The following RPH3AL variants were observed in gnomAD, a reference collection of about 807,000 sequenced individuals.
The protein encoded by RPH3AL is rabphilin 3A like (without C2 domains).
Under a neutral mutation model 43.1 loss-of-function variants are expected in RPH3AL, and 38 were observed. The ratio of observed to expected loss-of-function variants is 0.88; its 90% confidence interval spans 0.68 to 1.15. RPH3AL has a LOEUF of 1.15. RPH3AL is among the 50% of genes most tolerant of loss of function. The pLI, the probability that RPH3AL is intolerant of heterozygous loss-of-function variation, is 0.00. For missense variants in RPH3AL, 462 were observed against 423.2 expected (o/e 1.09, Z -0.81); for synonymous variants, 189 against 176.3 (o/e 1.07, Z -0.57).
chr17:245,990 C>T lies in RPH3AL; in HGVS notation c.613+1121G>A, dbSNP rs2041755500. On this transcript the variant is annotated intron_variant, in intron 7 of 9. Coordinates refer to ENST00000331302, the MANE Select transcript of RPH3AL (RefSeq NM_006987.4). This position sits in a 1 kb window ranked among gnomAD's most constrained non-coding sequence, Gnocchi z 5.9. ...TATGAGGGAGTCGGGGTGCTGAGGA[C>T]AAAGTGCCTGCAGGCTGCACACCAA... Among the ~76,000 whole-genome samples the T allele has an allele frequency of 6.6e-6, 1 of 152,142 alleles. No individual in the cohort carries two copies. Among genetic ancestry groups the T allele is most frequent in the Non-Finnish European group, 1.5e-5 (1 of 68,016 alleles).
intron 5 of RPH3AL, among the ~76,000 whole-genome samples, chr17:303,370 A>G (rs1420116533): frequency 6.6e-6 from 1 of 152,162 alleles, no homozygotes; most frequent in African/African-American, 2.4e-5. Flanking sequence ...CAGCCGGGGC[A>G]GCACAGCGAG....
rs2043013268 is a variant in RPH3AL, at chr17:290,106, A to G, written c.352-8252T>C. Among the ~76,000 whole-genome samples the G allele has an allele frequency of 6.6e-6, 1 of 152,234 alleles. No homozygotes were observed. The highest frequency in any genetic ancestry group is 2.4e-5 in the African/African-American group (1 of 41,458). On this transcript the variant is annotated intron_variant, in intron 5 of 9. Transcript: ENST00000331302. The surrounding 1 kb of genome is among the most constrained non-coding windows in gnomAD (Gnocchi z 4.2). ...AGCTACTTAAGATATTACAGTTGAA[A>G]AAGCAAGACAGGCTCCCTCCCGGAA...
chr17:240,845 G>A (rs9913601), intron 7 of RPH3AL, among the ~76,000 whole-genome samples: 10,653 of 151,844 alleles, frequency 0.07, 421 homozygotes, highest in African/African-American at 0.091. Flanking sequence ...GGATCACGAG[G>A]TCAGGAGATC....
chr17:285,475 C>T (rs945146373), intron 5 of RPH3AL, among the ~76,000 whole-genome samples: 18 of 152,176 alleles, frequency 1.2e-4, no homozygotes, highest in African/African-American at 2.7e-4. Flanking sequence ...ATGCCAGCTG[C>T]GGTTAGTGCA....
At chr17:316,219 C>G (rs1222451009) in intron 5 of RPH3AL, among the ~76,000 whole-genome samples, 1 of 118,432 alleles carries the variant, frequency 8.4e-6, no homozygotes, top group Non-Finnish European at 1.8e-5. Flanking sequence ...CCTCCATTGA[C>G]CTGTAGTCCC....
At chr17:268,979 C>T (rs566460996) in intron 6 of RPH3AL, among the ~76,000 whole-genome samples, 173 of 152,152 alleles carry the variant, frequency 1.1e-3, no homozygotes, top group African/African-American at 3.9e-3. Context: ...CCCGGGTTCA[C>T]GCCATTCTCC....
At chr17:280,229 G>A (rs1480998105) in intron 6 of RPH3AL, among the ~76,000 whole-genome samples, 1 of 152,124 alleles carries the variant, frequency 6.6e-6, no homozygotes, top group Non-Finnish European at 1.5e-5. Context: ...CAGGGTTCAG[G>A]GACTAAAAGT....
Position 215,648 on chromosome 17 carries a change from ACTCACC to A in RPH3AL, c.876_876+5del. On this transcript the variant is annotated splice_donor_variant and splice_donor_5th_base_variant and coding_sequence_variant and intron_variant, in exon 9 of 10. Transcript: ENST00000331302. LOFTEE classifies it high-confidence loss of function. This position sits in a 1 kb window ranked among gnomAD's most constrained non-coding sequence, Gnocchi z 4.1. ...AGAGGGGAGAAGGCAGCAGTTGGGT[ACTCACC>A]GGGGCCCTTCGGGTCAGCCCGGGGC... The A allele has an allele frequency of 7.9e-7, 1 of 1,273,808 alleles. No homozygotes were observed. Among genetic ancestry groups the A allele is most frequent in the Non-Finnish European group, 1.0e-6 (1 of 1,005,022 alleles). 78.9% of individuals were successfully genotyped at this position (1,273,808 alleles called of 1,614,324 possible). A position where few individuals can be genotyped will look rare whatever the true frequency, so the allele number is the denominator to read the frequency against.
At chr17:347,214 T>C (rs1195487455) in intron 1 of RPH3AL, among the ~76,000 whole-genome samples, 1 of 80,960 alleles carries the variant, frequency 1.2e-5, no homozygotes, top group Non-Finnish European at 3.3e-5. Flanking sequence ...GCCAGGATCA[T>C]GCCACTGTGC....
rs1597937529 is a variant in RPH3AL at position 251,482 on chromosome 17, C to T, written c.439-4197G>A. Among the ~76,000 whole-genome samples the T allele has an allele frequency of 2.6e-5, 4 of 152,342 alleles. 1 individual carries two copies. Among genetic ancestry groups the T allele is most frequent in the Non-Finnish European group, 1.5e-5 (1 of 68,038 alleles). On this transcript the variant is annotated intron_variant, in intron 6 of 9. Transcript: ENST00000331302. Reference sequence around the variant, plus strand: ...CCCCTCTGTTGGCCTCTACTCCACACGGAAGGCCCCAGAGTCTCACCCAAC... The same window carrying T: ...CCCCTCTGTTGGCCTCTACTCCACATGGAAGGCCCCAGAGTCTCACCCAAC...
Position 225,127 on chromosome 17 carries a change from AAAAG to A in RPH3AL, c.614-5395_614-5392del, listed in dbSNP as rs1183484109. 6.6e-6 allele frequency among the ~76,000 whole-genome samples: 1 copy of A among 151,718 alleles called. No homozygotes were observed. Among genetic ancestry groups the A allele is most frequent in the African/African-American group, 2.4e-5 (1 of 41,318 alleles). On this transcript the variant is annotated intron_variant, in intron 7 of 9. Transcript: ENST00000331302. The surrounding 1 kb of genome is among the most constrained non-coding windows in gnomAD (Gnocchi z 4.4). ...TTAAAATATAATGGAAAAAAAAAAAAAAAGAGTGATGAGCATGGGATCAGGCCTG... is the reference window on the plus strand; with the variant it reads ...TTAAAATATAATGGAAAAAAAAAAAAAGTGATGAGCATGGGATCAGGCCTG...
Position 322,651 on chromosome 17 carries a change from A to G in RPH3AL, c.78-1236T>C, listed in dbSNP as rs7218654. Among the ~76,000 whole-genome samples the G allele has an allele frequency of 0.32, 48,874 of 151,904 alleles. 9,207 individuals are homozygous for G. The highest frequency in any genetic ancestry group is 0.44 in the Non-Finnish European group (30,179 of 67,892). On this transcript the variant is annotated intron_variant, in intron 3 of 9. Coordinates refer to ENST00000331302, the MANE Select transcript of RPH3AL (RefSeq NM_006987.4). The surrounding 1 kb of genome is among the most constrained non-coding windows in gnomAD (Gnocchi z 4.0). ...TTCTTTAGGGAAGTGTCAGAAGGCA[A>G]GAGTCCTGGAGGCAGGACCTAGGGC... is the stretch of plus-strand genomic sequence containing the variant.
chr17:305,707 G>A (rs1336147997), intron 5 of RPH3AL, among the ~76,000 whole-genome samples: 6 of 152,136 alleles, frequency 3.9e-5, no homozygotes, highest in Middle Eastern at 3.4e-3. Context: ...CACACCTGGT[G>A]GGCTCCTCTC....
At chr17:217,432 G>A (rs1194934297) in intron 8 of RPH3AL, among the ~76,000 whole-genome samples, 5 of 22,158 alleles carry the variant, frequency 2.3e-4, no homozygotes, top group Admixed American at 1.0e-3. Context: ...CTTCTTCTGT[G>A]CCAAAATTGG....
rs774071658 is a variant in RPH3AL at position 215,270 on chromosome 17, G to A, written c.876+384C>T. Among the ~76,000 whole-genome samples the A allele has an allele frequency of 5.3e-5, 8 of 152,192 alleles. No individual in the cohort carries two copies. The highest frequency in any genetic ancestry group is 1.2e-4 in the Non-Finnish European group (8 of 68,024). On this transcript the variant is annotated intron_variant, in intron 9 of 9. Coordinates refer to ENST00000331302, the MANE Select transcript of RPH3AL (RefSeq NM_006987.4). The surrounding 1 kb of genome is among the most constrained non-coding windows in gnomAD (Gnocchi z 4.1). ...CCAGCAGGTGCAGGGCAGGGTGGGA[G>A]CCCAGGATTCTCCCCTCACTCTCTC...
At chr17:317,187 T>G (rs937087954) in intron 5 of RPH3AL, among the ~76,000 whole-genome samples, 2 of 150,196 alleles carry the variant, frequency 1.3e-5, no homozygotes, top group African/African-American at 4.9e-5. Flanking sequence ...CCACCTCCAT[T>G]GACCTGTAGT....
intron 7 of RPH3AL, among the ~76,000 whole-genome samples, chr17:220,297 C>G (rs2040933186): frequency 2.0e-5 from 3 of 148,834 alleles, no homozygotes; most frequent in Non-Finnish European, 3.0e-5. Flanking sequence ...GCTCCACTCA[C>G]TGAGACAATA....
intron 1 of RPH3AL, among the ~76,000 whole-genome samples, chr17:343,533 T>C (rs1236728867): frequency 6.6e-6 from 1 of 152,210 alleles, no homozygotes; most frequent in African/African-American, 2.4e-5. Context: ...TGGCTGCGAA[T>C]TATGAGCTTG....
At chr17:334,965 C>A (rs2044910568) in intron 1 of RPH3AL, among the ~76,000 whole-genome samples, 1 of 152,226 alleles carries the variant, frequency 6.6e-6, no homozygotes, top group South Asian at 2.1e-4. Context: ...TACACCCTGG[C>A]ATTTTCACCT....
Sources: allele counts gnomAD v4.1 joint callset (sites outside exome capture counted in the v4.1 genomes callset), GRCh38; gene constraint gnomAD v4.1.1; non-coding constraint Gnocchi (gnomAD v3.1); transcripts MANE v1.5; gene names NCBI Gene and HGNC (gene_info 2026-07-23, HGNC 2026-07-21).